GBF1: variants seen among roughly 807,000 people sequenced by gnomAD.
GBF1 encodes golgi brefeldin A resistant guanine nucleotide exchange factor 1.
GBF1 carries 114 observed loss-of-function variants against 210.5 expected under a neutral mutation model. The ratio of observed to expected loss-of-function variants is 0.54; its 90% confidence interval spans 0.47 to 0.63. The LOEUF is 0.63. Among genes scored for constraint, GBF1 ranks in the 30% least tolerant of loss-of-function variants. GBF1 has a pLI of 0.00. For synonymous variants in GBF1, 850 were observed against 889.2 expected, an observed-to-expected ratio of 0.96 and a Z score of 0.78; for missense variants, 1,851 against 2,357.7, an observed-to-expected ratio of 0.79 and a Z score of 4.45.
the GBF1 span, among the ~76,000 whole-genome samples, chr10:102,234,302 A>G: frequency 6.6e-6 from 1 of 152,090 alleles, no homozygotes; most frequent in Non-Finnish European, 1.5e-5. Context: ...TGGGAGTGGA[A>G]CCGAGGTCAA....
intron 38 of GBF1, 91 bp from the exon 39 acceptor site, chr10:102,381,036 C>T: frequency 8.0e-7 from 1 of 1,255,748 alleles, no homozygotes. Context: ...TGTCTGTGCC[C>T]TGGGTGGGTA....
chr10:102,358,495 T>C lies in GBF1; in HGVS notation c.788-11T>C. ...TCTTCTCCTTCAAGCGTCACATACT[T>C]TTCTTGGCAGGTGGCATGCCCTTCA... On this transcript the variant is annotated splice_polypyrimidine_tract_variant and intron_variant, in intron 9 of 39. Transcript: ENST00000369983. 6.3e-7 allele frequency: 1 copy of C among 1,597,172 alleles called. No individual in the cohort carries two copies. Among genetic ancestry groups the C allele is most frequent in the Non-Finnish European group, 8.6e-7 (1 of 1,164,662 alleles).
At chr10:102,377,273 A>G in intron 33 of GBF1, 133 bp downstream of exon 33, 2 of 629,374 alleles carry the variant, frequency 3.2e-6, no homozygotes, top group South Asian at 1.9e-5. Context: ...CATCTTCACA[A>G]TATTCCCTTA....
Position 102,363,662 on chromosome 10 carries a change from T to C in GBF1, c.2018-48T>C, listed in dbSNP as rs1565163935. On this transcript the variant is annotated intron_variant, in intron 16 of 39. Transcript: ENST00000369983. The surrounding 1 kb of genome is among the most constrained non-coding windows in gnomAD (Gnocchi z 4.2). Reference sequence around the variant, plus strand: ...GACCTTCCAAAAGTCCTTATCTGGGTAAAAAAAGGTGTTACAGATATTTCC... The same window carrying C: ...GACCTTCCAAAAGTCCTTATCTGGGCAAAAAAAGGTGTTACAGATATTTCC... The C allele has an allele frequency of 3.2e-6, 4 of 1,238,388 alleles. No homozygotes were observed. Among genetic ancestry groups the C allele is most frequent in the Non-Finnish European group, 4.8e-6 (4 of 838,748 alleles). 76.7% of individuals were successfully genotyped at this position (1,238,388 alleles called of 1,614,324 possible). A position where few individuals can be genotyped will look rare whatever the true frequency, so the allele number is the denominator to read the frequency against.
intron 3 of GBF1, among the ~76,000 whole-genome samples, chr10:102,310,335 C>T (rs1413954851): frequency 6.6e-6 from 1 of 152,200 alleles, no homozygotes; most frequent in Non-Finnish European, 1.5e-5. Context: ...CCTACTTATC[C>T]TTGTTTTTCC....
At chr10:102,258,833 T>A in intron 1 of GBF1, 96 bp from the exon 2 acceptor site, 3 of 559,038 alleles carry the variant, frequency 5.4e-6, no homozygotes, top group Non-Finnish European at 1.0e-5. Flanking sequence ...AAAAGTTAAA[T>A]CACAATTCTA....
At chr10:102,344,605 C>T (rs530360157) in intron 4 of GBF1, among the ~76,000 whole-genome samples, 1 of 152,076 alleles carries the variant, frequency 6.6e-6, no homozygotes, top group East Asian at 1.9e-4. Flanking sequence ...CTCAGCCTCC[C>T]GAGGAGCTGG....
intron 36 of GBF1, 47 bp from the exon 37 acceptor site, chr10:102,380,202 A>G: frequency 7.9e-7 from 1 of 1,265,804 alleles, no homozygotes; most frequent in Non-Finnish European, 1.2e-6. Flanking sequence ...AGAGGGGTCC[A>G]GAGGCTCCTA....
At chr10:102,340,912 G>A (rs935165499) in intron 3 of GBF1, among the ~76,000 whole-genome samples, 4 of 152,154 alleles carry the variant, frequency 2.6e-5, no homozygotes, top group African/African-American at 7.2e-5. Context: ...ATTAGGCAGA[G>A]TCAATTTAGA....
intron 4 of GBF1, among the ~76,000 whole-genome samples, chr10:102,349,552 A>G (rs923258021): frequency 6.6e-6 from 1 of 152,146 alleles, no homozygotes; most frequent in Non-Finnish European, 1.5e-5. Flanking sequence ...AAAGAAAGAG[A>G]GAGAAAAAAT....
At chr10:102,275,186 G>A (rs1288453653) in intron 3 of GBF1, among the ~76,000 whole-genome samples, 3 of 152,032 alleles carry the variant, frequency 2.0e-5, no homozygotes, top group Non-Finnish European at 4.4e-5. Context: ...TTTACCTTAT[G>A]TTGCTAAAAG....
chr10:102,287,451 G>A (rs1213663976), intron 3 of GBF1, among the ~76,000 whole-genome samples: 1 of 139,406 alleles, frequency 7.2e-6, no homozygotes, highest in Non-Finnish European at 1.5e-5. Context: ...GCCTCCCAAA[G>A]TGCTGGGATT....
chr10:102,246,735 G>C (rs1397573316), intron 1 of GBF1, among the ~76,000 whole-genome samples: 1 of 152,206 alleles, frequency 6.6e-6, no homozygotes, highest in Non-Finnish European at 1.5e-5. Context: ...AAACTGCTGT[G>C]TTGTAAAGCT....
intron 3 of GBF1, among the ~76,000 whole-genome samples, chr10:102,266,691 A>G (rs918482214): frequency 6.6e-6 from 1 of 152,202 alleles, no homozygotes; most frequent in African/African-American, 2.4e-5. Context: ...ATATTTGCTT[A>G]TTTGGCTTTC....
At chr10:102,324,813 C>G (rs932541456) in intron 3 of GBF1, among the ~76,000 whole-genome samples, 1 of 152,152 alleles carries the variant, frequency 6.6e-6, no homozygotes, top group African/African-American at 2.4e-5. Flanking sequence ...ATCTCAAACT[C>G]TTGACCTCAA....
chr10:102,257,776 C>CGA (rs1554942346), intron 1 of GBF1, among the ~76,000 whole-genome samples: 2 of 150,976 alleles, frequency 1.3e-5, no homozygotes, highest in Non-Finnish European at 3.0e-5. Flanking sequence ...TAGGAGAGAG[C>CGA]GAGAGAGAGT....
Position 102,366,648 on chromosome 10 carries a change from G to GCAGTCT in GBF1, c.2433+146_2433+151dup, listed in dbSNP as rs1238793821. ...GTCACCCAGGCTGGAGTGCAGTAGC[G>GCAGTCT]CAGTCTCAGCACACTGCAACCTCCA... On this transcript the variant is annotated intron_variant, in intron 19 of 39. Transcript: ENST00000369983. This position sits in a 1 kb window ranked among gnomAD's most constrained non-coding sequence, Gnocchi z 4.0. 1.4e-6 allele frequency: 1 copy of GCAGTCT among 718,964 alleles called. No individual in the cohort carries two copies. Among genetic ancestry groups the GCAGTCT allele is most frequent in the Admixed American group, 3.0e-5 (1 of 33,658 alleles). The allele number at this position is 718,964 out of a possible 1,614,324, so 44.5% of individuals were successfully genotyped here. A position where few individuals can be genotyped will look rare whatever the true frequency, so the allele number is the denominator to read the frequency against.
intron 35 of GBF1, 31 bp downstream of exon 35, chr10:102,379,682 T>C: frequency 5.0e-6 from 8 of 1,612,646 alleles, no homozygotes; most frequent in Non-Finnish European, 6.8e-6. Flanking sequence ...TAAGATAAAG[T>C]TCAAATCCTA....
At chr10:102,308,393 A>G (rs1248028761) in intron 3 of GBF1, among the ~76,000 whole-genome samples, 2 of 152,176 alleles carry the variant, frequency 1.3e-5, no homozygotes, top group East Asian at 3.8e-4. Flanking sequence ...CCAAAAGACT[A>G]TAAATCATGC....
Sources: allele counts gnomAD v4.1 joint callset (sites outside exome capture counted in the v4.1 genomes callset), GRCh38; gene constraint gnomAD v4.1.1; non-coding constraint Gnocchi (gnomAD v3.1); transcripts MANE v1.5; gene names NCBI Gene and HGNC (gene_info 2026-07-23, HGNC 2026-07-21).